USP30: variants seen among roughly 807,000 people sequenced by gnomAD.
USP30 encodes ubiquitin carboxyl-terminal hydrolase 30.
USP30 carries 41 observed loss-of-function variants against 68.2 expected under a neutral mutation model. That is an observed-to-expected ratio of 0.60 (90% CI 0.47 to 0.78). The LOEUF (loss-of-function observed/expected upper bound fraction) is 0.78. Among genes scored for constraint, USP30 ranks in the 30% least tolerant of loss-of-function variants. The pLI, the probability that USP30 is intolerant of heterozygous loss-of-function variation, is 0.00. For missense variants in USP30, 522 were observed against 649.4 expected, an observed-to-expected ratio of 0.80 and a Z score of 2.13; for synonymous variants, 229 against 253.7, an observed-to-expected ratio of 0.90 and a Z score of 0.93.
chr12:109,055,671 A>G (rs1378293566), intron 1 of USP30, among the ~76,000 whole-genome samples: 1 of 150,606 alleles, frequency 6.6e-6, no homozygotes, highest in Non-Finnish European at 1.5e-5. Flanking sequence ...TGCTGGGATT[A>G]CAGGCATGAG....
chr12:109,049,041 G>C (rs1280276126), upstream of USP30, among the ~76,000 whole-genome samples: 1 of 152,168 alleles, frequency 6.6e-6, no homozygotes, highest in Non-Finnish European at 1.5e-5. Flanking sequence ...AGGTCCCCTT[G>C]GCCAAGAGGG....
Position 109,087,983 on chromosome 12 carries a change from G to A in USP30, c.*2052G>A, listed in dbSNP as rs530669878. ...TGCTAAAGGTACTTTTGTATCTGCT[G>A]TGTATTATAGCAATAAAATAATCAT... On this transcript the variant is annotated 3_prime_UTR_variant, in exon 13 of 13. Coordinates refer to ENST00000257548, the MANE Select transcript of USP30 (RefSeq NM_032663.5). 2.6e-5 allele frequency: 10 copies of A among 390,912 alleles called. No individual in the cohort carries two copies. The highest frequency in any genetic ancestry group is 5.6e-5 in the South Asian group (1 of 17,832). The allele number at this position is 390,912 out of a possible 1,614,324, so 24.2% of individuals were successfully genotyped here. A position where few individuals can be genotyped will look rare whatever the true frequency, so the allele number is the denominator to read the frequency against.
Position 109,073,478 on chromosome 12 carries a change from T to A in USP30, c.666T>A (p.His222Gln). Residue 222 changes from histidine to glutamine, a missense_variant, in exon 7 of 13, where the codon CAT becomes CAA. His to Gln is a conservative substitution (Grantham distance 24). Transcript: ENST00000257548. Reference protein sequence around the residue: ...HPTSNHWKSQHPFHGRLTSNM... With the variant: ...HPTSNHWKSQQPFHGRLTSNM... ...CATCCAATCACTGGAAGTCTCAACA[T>A]CCTTTTCATGGAAGACTCACTAGTA... The A allele has an allele frequency of 6.2e-7, 1 of 1,614,148 alleles. No individual in the cohort carries two copies. Among genetic ancestry groups the A allele is most frequent in the Non-Finnish European group, 8.5e-7 (1 of 1,179,954 alleles).
At chr12:109,038,057 AG>A (rs1228160178) in intron 3 of USP30, among the ~76,000 whole-genome samples, 1 of 151,756 alleles carries the variant, frequency 6.6e-6, no homozygotes, top group Non-Finnish European at 1.5e-5. Flanking sequence ...CAGGATATGC[AG>A]GTTTGTTACA....
chr12:109,082,784 A>G, intron 10 of USP30, 41 bp downstream of exon 10: 1 of 1,610,132 alleles, frequency 6.2e-7, no homozygotes, highest in Non-Finnish European at 8.5e-7. Context: ...TGTTTTGAGG[A>G]CTCCGTGTAT....
intron 3 of USP30, 146 bp downstream of exon 3, chr12:109,058,254 A>G (rs944879495): frequency 1.1e-6 from 1 of 917,984 alleles, no homozygotes; most frequent in Non-Finnish European, 1.6e-6. Flanking sequence ...AGCCCAATAG[A>G]TACAAACAAG....
At chr12:109,036,027 GC>G (rs968448341) in intron 3 of USP30, among the ~76,000 whole-genome samples, 12 of 152,146 alleles carry the variant, frequency 7.9e-5, no homozygotes, top group Non-Finnish European at 1.8e-4. Context: ...GGGCATGGTG[GC>G]CCATGGCTGT....
At chr12:109,028,524 C>T (rs1270465171) in intron 3 of USP30, among the ~76,000 whole-genome samples, 1 of 151,992 alleles carries the variant, frequency 6.6e-6, no homozygotes, top group African/African-American at 2.4e-5. Context: ...GTCGCCCAGA[C>T]TGGAGTGCAA....
intron 3 of USP30, among the ~76,000 whole-genome samples, chr12:109,058,358 C>T (rs2040944044): frequency 6.6e-6 from 1 of 152,108 alleles, no homozygotes; most frequent in Non-Finnish European, 1.5e-5. Flanking sequence ...ATCACGAGGT[C>T]AGGAGTTCGA....
At chr12:109,074,101 T>C (rs2041524455) in intron 7 of USP30, among the ~76,000 whole-genome samples, 1 of 152,342 alleles carries the variant, frequency 6.6e-6, no homozygotes, top group Non-Finnish European at 1.5e-5. Context: ...ATATTCTGGA[T>C]GCTTCATATA....
Position 109,082,855 on chromosome 12 carries a change from C to T in USP30, c.961C>T (p.Leu321Phe), listed in dbSNP as rs2041842567. Residue 321 changes from leucine to phenylalanine, a missense_variant, in exon 11 of 13, where the codon CTC (leucine) becomes TTC (phenylalanine). By Grantham distance (22) the Leu-to-Phe change is conservative. Transcript: ENST00000257548. ...QLKLGKLPQC[L>F]CIHLQRLSWS... ...CTTCCACCCGCAGCTCCCTCAGTGT[C>T]TCTGCATCCACCTACAGCGGCTGAG... 1 of 1,613,880 alleles carries T rather than the reference C, an allele frequency of 6.2e-7. No individual in the cohort carries two copies. The highest frequency in any genetic ancestry group is 8.5e-7 in the Non-Finnish European group (1 of 1,179,808).
chr12:109,035,667 T>G (rs1231892337), intron 3 of USP30, among the ~76,000 whole-genome samples: 1 of 152,112 alleles, frequency 6.6e-6, no homozygotes, highest in African/African-American at 2.4e-5. Context: ...CAGCCACCAT[T>G]TTGATTTATA....
chr12:109,073,523 T>C lies in USP30; in HGVS notation c.711T>C (p.Cys237=), dbSNP rs754055986. 1 of 1,612,316 alleles carries C rather than the reference T, an allele frequency of 6.2e-7. No homozygotes were observed. The highest frequency in any genetic ancestry group is 2.2e-5 in the East Asian group (1 of 44,884). The change falls in exon 7 of 13, where the codon TGT becomes TGC. Residue 237 remains cysteine, a synonymous_variant. Coordinates refer to ENST00000257548, the MANE Select transcript of USP30 (RefSeq NM_032663.5). ...RLTSNMVCKH[C]EHQSPVRFDT... is the part of the protein sequence containing the mutation. ...CTAGTAATATGGTCTGCAAACACTG[T>C]GAACACCAGGTAAATACAATACCAA...
At chr12:109,073,377 A>T in intron 6 of USP30, 61 bp from the exon 7 acceptor site, 1 of 1,149,622 alleles carries the variant, frequency 8.7e-7, no homozygotes, top group South Asian at 1.3e-5. Context: ...AAGGAAGATG[A>T]ATGTTGAGCT....
rs965424599 is a variant in USP30, at chr12:109,038,656, T to C, written c.-135-8934T>C. ...ACCTAGAAGAGGAATGGTTGGATCA[T>C]TATGGTAAGTTTATGTTTCTCTTTA... On this transcript the variant is annotated intron_variant, in intron 3 of 15. Coordinates refer to the USP30 transcript ENST00000392784. Among the ~76,000 whole-genome samples the C allele has an allele frequency of 5.3e-5, 8 of 152,334 alleles. No homozygotes were observed. In the South Asian group the frequency reaches 1.7e-3, roughly 32 times the overall value.
chr12:109,024,401 G>T (rs2040429031), intron 1 of USP30, among the ~76,000 whole-genome samples: 1 of 151,868 alleles, frequency 6.6e-6, no homozygotes, highest in Non-Finnish European at 1.5e-5. Flanking sequence ...GGGATTACAG[G>T]TGTGCGCCAC....
At chr12:109,025,118 G>A (rs1566073030) in intron 2 of USP30, 1 of 152,150 alleles carries the variant, frequency 6.6e-6, no homozygotes, top group African/African-American at 2.4e-5. Context: ...TCCTGCCCTT[G>A]GACATCAGAA....
chr12:109,076,971 A>T (rs1455255121), intron 7 of USP30, among the ~76,000 whole-genome samples: 2 of 152,054 alleles, frequency 1.3e-5, no homozygotes, highest in Non-Finnish European at 2.9e-5. Flanking sequence ...TGACCTCGTG[A>T]TCCGCCTGCC....
intron 3 of USP30, among the ~76,000 whole-genome samples, chr12:109,067,227 C>T (rs2041284901): frequency 6.6e-6 from 1 of 150,676 alleles, no homozygotes; most frequent in South Asian, 2.1e-4. Flanking sequence ...CATTCTCCTG[C>T]CTCAGCCTCC....
Sources: allele counts gnomAD v4.1 joint callset (sites outside exome capture counted in the v4.1 genomes callset), GRCh38; gene constraint gnomAD v4.1.1; transcripts MANE v1.5; gene names NCBI Gene and HGNC (gene_info 2026-07-23, HGNC 2026-07-21).